ABCA6: variants seen among roughly 807,000 people sequenced by gnomAD.
ABCA6 encodes the protein ATP-binding cassette sub-family A member 6.
ABCA6 carries 164 observed loss-of-function variants against 191.2 expected under a neutral mutation model. That is an observed-to-expected ratio of 0.86 (90% confidence interval 0.76 to 0.98). The LOEUF (loss-of-function observed/expected upper bound fraction) is 0.98, where lower values mean the gene tolerates loss of function less well. Among genes scored for constraint, ABCA6 ranks in the 50% least tolerant of loss-of-function variants. The pLI is 0.00. For synonymous variants in ABCA6, 636 were observed against 647.7 expected, an observed-to-expected ratio of 0.98 and a Z score of 0.27; for missense variants, 1,958 against 1,894.1, an observed-to-expected ratio of 1.03 and a Z score of -0.63.
At position 69,082,855 on chromosome 17, in the gene ABCA6, A is replaced by G. The variant is rs746361809; in HGVS notation, c.4616+18T>C. On this transcript the variant is annotated intron_variant, in intron 36 of 38. Transcript: ENST00000284425. ...GATAAACCCTCCATATTTCTCCATA[A>G]TCAAAAGCCCGTCTCACCTTTCCTG... The G allele has an allele frequency of 9.9e-6, 16 of 1,613,840 alleles. No individual in the cohort carries two copies. The South Asian group carries it at 1.6e-4, about 17-fold the overall frequency.
Position 69,096,233 on chromosome 17 carries a change from T to C in ABCA6, c.3408+7A>G. ...TATTTCTCTATTTGTATGTATTATA[T>C]ACTTACAAAAAAGAAGTAAAATGAC... On this transcript the variant is annotated splice_region_variant and intron_variant, in intron 25 of 38. Transcript: ENST00000284425. 7.3e-7 allele frequency: 1 copy of C among 1,378,846 alleles called. No homozygotes were observed. The highest frequency in any genetic ancestry group is 2.3e-5 in the East Asian group (1 of 42,692). The allele number at this position is 1,378,846 out of a possible 1,614,324, so 85.4% of individuals were successfully genotyped here. A position where few individuals can be genotyped will look rare whatever the true frequency, so the allele number is the denominator to read the frequency against.
rs1326227914 is a variant in ABCA6, at chr17:69,113,689, G to C, written c.1831C>G (p.Leu611Val). 6.2e-7 allele frequency: 1 copy of C among 1,612,724 alleles called. No individual in the cohort carries two copies. Among genetic ancestry groups the C allele is most frequent in the African/African-American group, 1.3e-5 (1 of 74,944 alleles). ...ELDMQNIQDN[L>V]AKHLSEGQKR... ...TGTCCTTCACTTAAATGTTTAGCAA[G>C]GTTATCTTGAATGTTTTGCATGTCC... The change falls in exon 14 of 39, where the codon CTT (leucine) becomes GTT (valine). Residue 611 changes from leucine (L) to valine (V), a missense_variant. Coordinates refer to ENST00000284425, the MANE Select transcript of ABCA6 (RefSeq NM_080284.3).
Position 69,114,682 on chromosome 17 carries a change from A to G in ABCA6, c.1782+80T>C, listed in dbSNP as rs897957003. ...ATTTTATTCATAACAGGGCAAATAA[A>G]TCATTGAAGAGAATTCTGTGGTCAT... On this transcript the variant is annotated intron_variant, in intron 13 of 38. Transcript: ENST00000284425. The G allele has an allele frequency of 2.9e-6, 4 of 1,371,936 alleles. No individual in the cohort carries two copies. The African/African-American group carries it at 4.4e-5, about 15-fold the overall frequency. 85.0% of individuals were successfully genotyped at this position (1,371,936 alleles called of 1,614,324 possible).
At chr17:69,091,285 T>C in intron 25 of ABCA6, 23 bp from the exon 26 acceptor site, 2 of 1,606,770 alleles carry the variant, frequency 1.2e-6, no homozygotes, top group African/African-American at 1.3e-5. Context: ...TTCAAATATA[T>C]TGTATCAGAC....
In ABCA6 at chr17:69,128,624, T is replaced by C; in HGVS notation, c.1114A>G (p.Ile372Val). The change falls in exon 8 of 39, where the codon ATT becomes GTT. Residue 372 changes from isoleucine (I) to valine (V), a missense_variant. Ile to Val is a conservative substitution (Grantham distance 29). Transcript: ENST00000284425. ...CSPFAFTTGM[I>V]QIIKLDYNLN... is the part of the protein sequence containing the mutation. ...CCAATTAACTAGGCTCTTACCTGAA[T>C]CATTCCAGTAGTAAAGGCAAAAGGG... 6.2e-7 allele frequency: 1 copy of C among 1,609,646 alleles called. No individual in the cohort carries two copies. The highest frequency in any genetic ancestry group is 8.5e-7 in the Non-Finnish European group (1 of 1,177,712).
chr17:69,140,759 A>C lies in ABCA6; in HGVS notation c.-45-11T>G, dbSNP rs190501063. 336 of 1,164,842 alleles carry C rather than the reference A, an allele frequency of 2.9e-4. 1 individual carries two copies. The African/African-American group carries it at 4.1e-3, about 14-fold the overall frequency. 72.2% of individuals were successfully genotyped at this position (1,164,842 alleles called of 1,614,324 possible). A position where few individuals can be genotyped will look rare whatever the true frequency, so the allele number is the denominator to read the frequency against. On this transcript the variant is annotated splice_polypyrimidine_tract_variant and intron_variant, in intron 1 of 38. Transcript: ENST00000284425. ...ATGGTGGAACACAACCTAGAAAAAAATAAGTGTAATAAGAAAAACCTTGAT... is the reference window on the plus strand; with the variant it reads ...ATGGTGGAACACAACCTAGAAAAAACTAAGTGTAATAAGAAAAACCTTGAT...
At chr17:69,138,343 T>C (rs1414213420) in intron 2 of ABCA6, among the ~76,000 whole-genome samples, 1 of 152,184 alleles carries the variant, frequency 6.6e-6, no homozygotes, top group African/African-American at 2.4e-5. Flanking sequence ...TTTTATTTCA[T>C]TGAGCAGTGC....
chr17:69,133,855 G>T lies in ABCA6; in HGVS notation c.577C>A (p.His193Asn), dbSNP rs1210612664. The T allele has an allele frequency of 6.3e-7, 1 of 1,589,294 alleles. No individual in the cohort carries two copies. The highest frequency in any genetic ancestry group is 8.6e-7 in the Non-Finnish European group (1 of 1,167,658). Residue 193 changes from histidine (H) to asparagine (N), a missense_variant, in exon 6 of 39, where the codon CAC becomes AAC. By Grantham distance (68) the His-to-Asn change is moderately conservative. Transcript: ENST00000284425. ...NTAIIEITTN[H>N]PVMEELMSVT... is the part of the protein sequence containing the mutation. ...GACATCAACTCCTCCATCACAGGGT[G>T]ATTGGTTGTGATCTAAAGTAGAGTT...
chr17:69,133,629 T>A lies in ABCA6; in HGVS notation c.791+12A>T. 1 of 1,527,168 alleles carries A rather than the reference T, an allele frequency of 6.5e-7. No individual in the cohort carries two copies. Among genetic ancestry groups the A allele is most frequent in the South Asian group, 1.2e-5 (1 of 82,628 alleles). 94.6% of individuals were successfully genotyped at this position (1,527,168 alleles called of 1,614,324 possible). The stretch of plus-strand genomic sequence containing the variant: ...TGTTTATTAATTTGCACTACTTGAA[T>A]TAGTCACTCACCAGAATGCTGAATC... On this transcript the variant is annotated intron_variant, in intron 6 of 38. Coordinates refer to ENST00000284425, the MANE Select transcript of ABCA6 (RefSeq NM_080284.3).
Position 69,111,053 on chromosome 17 carries a change from AC to A in ABCA6, c.2133-114del, listed in dbSNP as rs748730876. On this transcript the variant is annotated intron_variant, in intron 16 of 38. Transcript: ENST00000284425. The stretch of plus-strand genomic sequence containing the variant: ...GCACAACTTTACTTGGCTTTATGGA[AC>A]AAAAAGATGAGTAAATACTAACATG... 6.1e-6 allele frequency: 6 copies of A among 987,496 alleles called. No homozygotes were observed. The East Asian group carries it at 7.9e-5, about 13-fold the overall frequency. The allele number at this position is 987,496 out of a possible 1,614,324, so 61.2% of individuals were successfully genotyped here. A position where few individuals can be genotyped will look rare whatever the true frequency, so the allele number is the denominator to read the frequency against.
At chr17:69,084,629 A>T (rs11657954) in intron 32 of ABCA6, 122 bp from the exon 33 acceptor site, 2 of 839,764 alleles carry the variant, frequency 2.4e-6, no homozygotes, top group East Asian at 2.6e-5. Context: ...CCTAACTCAT[A>T]ATTTTAAAAA....
chr17:69,113,169 T>C, intron 15 of ABCA6, 53 bp downstream of exon 15: 1 of 1,566,220 alleles, frequency 6.4e-7, no homozygotes, highest in Non-Finnish European at 8.6e-7. Flanking sequence ...TAGACCTCGC[T>C]TCTAAATTCC....
chr17:69,117,940 T>C lies in ABCA6; in HGVS notation c.1453A>G (p.Lys485Glu). The C allele has an allele frequency of 6.3e-7, 1 of 1,590,644 alleles. No homozygotes were observed. The highest frequency in any genetic ancestry group is 8.6e-7 in the Non-Finnish European group (1 of 1,163,920). ...KEAIRIRNVK[K>E]EYKGKSGKVE... ...TTTCCAGATTTTCCTTTATATTCCT[T>C]CTTAACATTTCTGATTCTGAAATAA... The change falls in exon 11 of 39, where the codon AAG (lysine) becomes GAG (glutamate). Residue 485 changes from lysine to glutamate, a missense_variant. Lys to Glu is a moderately conservative substitution (Grantham distance 56, BLOSUM62 1). Coordinates refer to ENST00000284425, the MANE Select transcript of ABCA6 (RefSeq NM_080284.3).
At chr17:69,119,136 A>G (rs2073592501) in intron 10 of ABCA6, among the ~76,000 whole-genome samples, 2 of 152,084 alleles carry the variant, frequency 1.3e-5, no homozygotes, top group Admixed American at 1.3e-4. Context: ...TTGGCAGTGA[A>G]GGCTGAGGAT....
chr17:69,081,026 T>G, intron 37 of ABCA6, 40 bp downstream of exon 37: 1 of 1,242,298 alleles, frequency 8.0e-7, no homozygotes, highest in Non-Finnish European at 1.1e-6. Flanking sequence ...TAGTATTAGT[T>G]GATTCTTCAA....
chr17:69,085,763 C>T, intron 30 of ABCA6, 47 bp from the exon 31 acceptor site: 1 of 1,287,420 alleles, frequency 7.8e-7, no homozygotes, highest in Non-Finnish European at 1.1e-6. Context: ...AAATACTGAA[C>T]AACATAAACC....
At chr17:69,109,004 A>G (rs2073364599) in intron 17 of ABCA6, 1 of 152,240 alleles carries the variant, frequency 6.6e-6, no homozygotes. Flanking sequence ...CCTTAGTCCA[A>G]GAACAAAATA....
chr17:69,101,765 A>C (rs1455241891), intron 21 of ABCA6, among the ~76,000 whole-genome samples: 5 of 152,180 alleles, frequency 3.3e-5, no homozygotes, highest in Non-Finnish European at 7.3e-5. Context: ...AATGTTCATT[A>C]ATCTATTAGA....
At chr17:69,080,292 C>T (rs998651935) in intron 37 of ABCA6, among the ~76,000 whole-genome samples, 8 of 152,032 alleles carry the variant, frequency 5.3e-5, no homozygotes, top group African/African-American at 1.7e-4. Flanking sequence ...ATTGCAGAGA[C>T]GAACCATCTA....
Sources: gnomAD v4.1 joint callset for allele counts (sites outside exome capture counted in the v4.1 genomes callset) on GRCh38, gnomAD v4.1.1 for gene constraint, MANE v1.5 for transcripts, NCBI Gene and HGNC (gene_info 2026-07-23, HGNC 2026-07-21) for gene names.